Variants in CTIF observed in about 807,000 individuals in gnomAD.
CTIF encodes cap binding complex dependent translation initiation factor.
CTIF carries 21 observed loss-of-function variants against 66.0 expected under a neutral mutation model. The observed-to-expected ratio is 0.32, with a 90% confidence interval of 0.23 to 0.46. The LOEUF (loss-of-function observed/expected upper bound fraction) is 0.46, where lower values mean the gene tolerates loss of function less well. Ranked by LOEUF, CTIF falls within the 20% of genes least tolerant of loss-of-function variation. The pLI is 1.00. For missense variants in CTIF, 739 were observed against 812.7 expected, an observed-to-expected ratio of 0.91 and a Z score of 1.10; for synonymous variants, 345 against 326.4, an observed-to-expected ratio of 1.06 and a Z score of -0.62.
Position 48,859,362 on chromosome 18 carries a change from C to T in CTIF, c.1600C>T (p.Leu534=), listed in dbSNP as rs2069405120. ...CSMELQSTGR[L]LEEQLPEMMT... ...TCTGCAGCTGCAGAGTACAGGCCGG[C>T]TGCTGGAGGAACAGCTGCCTGAGAT... The change falls in exon 12 of 12, where the codon CTG becomes TTG. Residue 534 remains leucine (L), a synonymous_variant. Transcript: ENST00000256413. 4 of 1,614,078 alleles carry T rather than the reference C, an allele frequency of 2.5e-6. No individual in the cohort carries two copies. The African/African-American group carries it at 5.3e-5, about 22-fold the overall frequency.
At chr18:48,603,849 A>AT (rs34207687) in intron 1 of CTIF, among the ~76,000 whole-genome samples, 29,497 of 137,996 alleles carry the variant, frequency 0.21, 3,340 homozygotes, top group African/African-American at 0.26. Flanking sequence ...ACTCAGTGAA[A>AT]TTTTTTTTTT....
At chr18:48,561,254 AAG>A (rs1555645524) in intron 1 of CTIF, among the ~76,000 whole-genome samples, 20 of 151,774 alleles carry the variant, frequency 1.3e-4, no homozygotes, top group African/African-American at 4.6e-4. Flanking sequence ...AAAAAAAAAA[AAG>A]GAGTGTTTAT....
intron 9 of CTIF, among the ~76,000 whole-genome samples, chr18:48,801,930 T>C (rs1332178319): frequency 6.6e-6 from 1 of 152,226 alleles, no homozygotes; most frequent in Non-Finnish European, 1.5e-5. Flanking sequence ...CAGGAAACCT[T>C]GGATACAACA....
chr18:48,798,622 G>T (rs1037143218), intron 9 of CTIF, among the ~76,000 whole-genome samples: 2 of 152,194 alleles, frequency 1.3e-5, no homozygotes, highest in African/African-American at 4.8e-5. Context: ...GTTTCGGGGT[G>T]CACCCCCACC....
intron 7 of CTIF, among the ~76,000 whole-genome samples, chr18:48,740,439 G>A (rs1422277261): frequency 6.6e-6 from 1 of 152,168 alleles, no homozygotes; most frequent in Non-Finnish European, 1.5e-5. Context: ...GTCTCCATCG[G>A]CTGGGCCTCC....
intron 9 of CTIF, among the ~76,000 whole-genome samples, chr18:48,795,521 T>TG (rs1026840343): frequency 1.3e-5 from 2 of 152,306 alleles, no homozygotes; most frequent in Admixed American, 1.3e-4. Context: ...AGATGCCCAT[T>TG]GGGGAAAAAA....
At chr18:48,585,439 G>C (rs768353437) in intron 1 of CTIF, among the ~76,000 whole-genome samples, 1 of 152,214 alleles carries the variant, frequency 6.6e-6, no homozygotes, top group Non-Finnish European at 1.5e-5. Flanking sequence ...AGAAGTGCCA[G>C]TGTGTGGCAT....
intron 3 of CTIF, among the ~76,000 whole-genome samples, chr18:48,655,086 G>A (rs1337929380): frequency 6.6e-6 from 1 of 151,614 alleles, no homozygotes; most frequent in South Asian, 2.1e-4. Context: ...ACAAACCTGC[G>A]CATTGTGCAC....
At chr18:48,830,031 A>C (rs1355007258) in intron 10 of CTIF, among the ~76,000 whole-genome samples, 1 of 151,986 alleles carries the variant, frequency 6.6e-6, no homozygotes, top group Non-Finnish European at 1.5e-5. Flanking sequence ...TTGAGAAAGA[A>C]CCTCCAGGAT....
At chr18:48,782,959 G>A (rs981194785) in intron 9 of CTIF, among the ~76,000 whole-genome samples, 11 of 152,240 alleles carry the variant, frequency 7.2e-5, no homozygotes, top group African/African-American at 2.7e-4. Context: ...AGCTTCGCCT[G>A]TAGACCCTTC....
In CTIF at chr18:48,824,720, C is replaced by T. The variant is rs1026961266; in HGVS notation, c.1527+7344C>T. ...TGGTGCAACCTCTGCCCACTGCAAC[C>T]TTCTTCGCCTCCCGGGTTCAAGCGA... On this transcript the variant is annotated intron_variant, in intron 10 of 11. Transcript: ENST00000256413. Among the ~76,000 whole-genome samples, 4 of 151,990 alleles carry T rather than the reference C, an allele frequency of 2.6e-5. No individual in the cohort carries two copies. In the East Asian group the frequency reaches 7.7e-4, roughly 29 times the overall value.
chr18:48,838,950 C>A (rs1318609235), intron 10 of CTIF, among the ~76,000 whole-genome samples: 1 of 152,140 alleles, frequency 6.6e-6, no homozygotes, highest in Non-Finnish European at 1.5e-5. Context: ...CTAGTGGAAC[C>A]TGTCTTCTGC....
At chr18:48,672,717 C>T (rs1048581534) in intron 6 of CTIF, among the ~76,000 whole-genome samples, 2 of 152,174 alleles carry the variant, frequency 1.3e-5, no homozygotes, top group Admixed American at 6.5e-5. Flanking sequence ...CACTTCTGCA[C>T]CCCAGAAGAA....
chr18:48,743,007 TC>T (rs2092567813), intron 7 of CTIF, among the ~76,000 whole-genome samples: 1 of 152,206 alleles, frequency 6.6e-6, no homozygotes, highest in Admixed American at 6.5e-5. Context: ...TTATTCTTAG[TC>T]AAATATTTAA....
chr18:48,622,125 G>A lies in CTIF; in HGVS notation c.180+2380G>A, dbSNP rs111631043. Among the ~76,000 whole-genome samples, 730 of 152,332 alleles carry A rather than the reference G, an allele frequency of 4.8e-3. 4 individuals are homozygous for A. Among genetic ancestry groups the A allele is most frequent in the Middle Eastern group, 0.034 (10 of 294 alleles). On this transcript the variant is annotated intron_variant, in intron 2 of 11. Coordinates refer to ENST00000256413, the MANE Select transcript of CTIF (RefSeq NM_014772.3). ...AGAGAGGGGTGAGGGAGGCACAGGA[G>A]TGATGATGGTGAGTCACCTGGATGC...
intron 9 of CTIF, among the ~76,000 whole-genome samples, chr18:48,796,331 G>C (rs1301049437): frequency 6.6e-6 from 1 of 151,244 alleles, no homozygotes; most frequent in Non-Finnish European, 1.5e-5. Context: ...CCGTCACCAT[G>C]TCCAGCTAAT....
intron 2 of CTIF, among the ~76,000 whole-genome samples, chr18:48,628,583 G>A (rs138342903): frequency 1.2e-4 from 18 of 152,108 alleles, no homozygotes; most frequent in Non-Finnish European, 2.2e-4. Flanking sequence ...CTGTCTCCAC[G>A]TACCATCCAC....
chr18:48,637,239 G>T (rs2090840106), intron 3 of CTIF, among the ~76,000 whole-genome samples: 1 of 152,194 alleles, frequency 6.6e-6, no homozygotes, highest in African/African-American at 2.4e-5. Flanking sequence ...TCTCCCTGCT[G>T]CTTGCGGTGA....
intron 1 of CTIF, among the ~76,000 whole-genome samples, chr18:48,604,713 GAT>G (rs1286091181): frequency 6.6e-6 from 1 of 152,122 alleles, no homozygotes; most frequent in Non-Finnish European, 1.5e-5. Flanking sequence ...TCTAATTATA[GAT>G]ATGTGTGACC....
Sources: gnomAD v4.1 joint callset for allele counts (sites outside exome capture counted in the v4.1 genomes callset) on GRCh38, gnomAD v4.1.1 for gene constraint, MANE v1.5 for transcripts, NCBI Gene and HGNC (gene_info 2026-07-23, HGNC 2026-07-21) for gene names.